The following CES1 variants were observed in gnomAD, a reference collection of about 807,000 sequenced individuals.
The protein encoded by CES1 is liver carboxylesterase 1.
In CES1, 50 loss-of-function variants were observed where a neutral mutation model predicts 53.0. The observed-to-expected ratio is 0.94, with a 90% CI of 0.75 to 1.19. The LOEUF (loss-of-function observed/expected upper bound fraction) is 1.19, where lower values mean the gene tolerates loss of function less well. Among genes scored for constraint, CES1 ranks in the 50% most tolerant of loss-of-function variants. CES1 has a pLI of 0.00. For synonymous variants in CES1, 202 were observed against 210.1 expected (o/e 0.96, Z 0.33); for missense variants, 534 against 538.0 (o/e 0.99, Z 0.07).
chr16:55,817,824 A>C (rs1338724882), intron 7 of CES1, among the ~76,000 whole-genome samples: 1 of 151,992 alleles, frequency 6.6e-6, no homozygotes, highest in African/African-American at 2.4e-5. Context: ...GTAATCATGG[A>C]GGTGCTTCCA....
intron 8 of CES1, among the ~76,000 whole-genome samples, chr16:55,816,559 C>T (rs2031953952): frequency 6.6e-6 from 1 of 152,242 alleles, no homozygotes; most frequent in African/African-American, 2.4e-5. Context: ...GGCTTCCCCT[C>T]TCCTTGGCTA....
chr16:55,810,692 G>A (rs535355988), intron 10 of CES1, 28 bp from the exon 11 acceptor site: 4 of 1,613,442 alleles, frequency 2.5e-6, no homozygotes, highest in Non-Finnish European at 2.5e-6. Flanking sequence ...GTGACCACCA[G>A]CCCCGGGTGA....
chr16:55,819,425 G>C, intron 7 of CES1, 110 bp downstream of exon 7: 1 of 820,558 alleles, frequency 1.2e-6, no homozygotes. Context: ...TTCAGATACT[G>C]AGAGTTGAGA....
chr16:55,819,094 G>T (rs1301351764), intron 7 of CES1, among the ~76,000 whole-genome samples: 1 of 152,206 alleles, frequency 6.6e-6, no homozygotes, highest in African/African-American at 2.4e-5. Context: ...TGACAACTGA[G>T]TCAGTCTCAG....
At chr16:55,811,033 CA>C in intron 9 of CES1, 23 bp from the exon 10 acceptor site, 3 of 1,535,872 alleles carry the variant, frequency 2.0e-6, no homozygotes, top group Non-Finnish European at 2.7e-6. Flanking sequence ...AAAAGTTCAG[CA>C]TTTATGAATC....
intron 2 of CES1, among the ~76,000 whole-genome samples, chr16:55,827,226 T>G (rs1230449850): frequency 1.3e-5 from 2 of 151,644 alleles, no homozygotes; most frequent in African/African-American, 4.8e-5. Flanking sequence ...GATGACTTCT[T>G]GATTCCATCC....
In CES1 at chr16:55,821,050, A is replaced by C. The variant is rs115083181; in HGVS notation, c.693+318T>G. ...AGAAGGGATGTGAGTCCTTATGTTAAAATGAGTGTGAAGGAGAGAGAGAAA... is the reference window on the plus strand; with the variant it reads ...AGAAGGGATGTGAGTCCTTATGTTACAATGAGTGTGAAGGAGAGAGAGAAA... On this transcript the variant is annotated intron_variant, in intron 5 of 13. Coordinates refer to ENST00000360526, the MANE Select transcript of CES1 (RefSeq NM_001025195.2). Among the ~76,000 whole-genome samples the C allele has an allele frequency of 9.5e-3, 1,360 of 142,562 alleles. 28 individuals are homozygous for C. In the East Asian group the frequency reaches 0.096, roughly 10 times the overall value. The allele number at this position is 142,562 out of a possible 152,430, so 93.5% of individuals were successfully genotyped here.
At chr16:55,814,750 T>A (rs746996330) in intron 8 of CES1, among the ~76,000 whole-genome samples, 18 of 152,226 alleles carry the variant, frequency 1.2e-4, no homozygotes, top group Non-Finnish European at 2.4e-4. Context: ...CCCTATGGCT[T>A]CTGGGACCTT....
chr16:55,821,570 G>A (rs1332120002), intron 4 of CES1, 49 bp from the exon 5 acceptor site: 1 of 1,601,546 alleles, frequency 6.2e-7, no homozygotes, highest in South Asian at 1.1e-5. Flanking sequence ...ATGTCATGCA[G>A]GACCTTCAGG....
intron 9 of CES1, among the ~76,000 whole-genome samples, chr16:55,811,955 G>A (rs1461284462): frequency 6.6e-6 from 1 of 152,184 alleles, no homozygotes; most frequent in Non-Finnish European, 1.5e-5. Context: ...GTTTGTTTCT[G>A]CCCCAGGTGA....
Position 55,827,559 on chromosome 16 carries a change from T to C in CES1, c.260+1208A>G. ...ATATATACTCTTTGACTCAGAAATG[T>C]CATTTCTGAGAAGTTATCCTAAACT... is the stretch of plus-strand genomic sequence containing the variant. On this transcript the variant is annotated intron_variant, in intron 2 of 13. Coordinates refer to ENST00000360526, the MANE Select transcript of CES1 (RefSeq NM_001025195.2). Among the ~76,000 whole-genome samples, 2 of 152,080 alleles carry C rather than the reference T, an allele frequency of 1.3e-5. 1 individual carries two copies. Among genetic ancestry groups the C allele is most frequent in the Non-Finnish European group, 2.9e-5 (2 of 68,010 alleles).
chr16:55,827,631 TA>T (rs2032471181), intron 2 of CES1, among the ~76,000 whole-genome samples: 1 of 152,176 alleles, frequency 6.6e-6, no homozygotes, highest in Non-Finnish European at 1.5e-5. Flanking sequence ...GTTATATTAT[TA>T]AAAACATCAT....
intron 5 of CES1, 107 bp from the exon 6 acceptor site, chr16:55,820,586 G>A: frequency 1.3e-6 from 2 of 1,567,396 alleles, no homozygotes; most frequent in East Asian, 2.3e-5. Flanking sequence ...ACACGGGACT[G>A]AGGAATCCAG....
At chr16:55,820,640 C>T (rs2032139932) in intron 5 of CES1, among the ~76,000 whole-genome samples, 161 bp from the exon 6 acceptor site, 1 of 152,104 alleles carries the variant, frequency 6.6e-6, no homozygotes, top group Non-Finnish European at 1.5e-5. Context: ...TGGAAGTCTT[C>T]CTACAGCTCC....
intron 2 of CES1, among the ~76,000 whole-genome samples, chr16:55,826,740 G>A (rs1323633975): frequency 2.0e-5 from 3 of 152,178 alleles, no homozygotes; most frequent in African/African-American, 7.2e-5. Context: ...CCAGGTCTAA[G>A]TGAGCGGAGT....
intron 7 of CES1, 124 bp downstream of exon 7, chr16:55,819,411 C>T: frequency 1.3e-6 from 1 of 775,514 alleles, no homozygotes; most frequent in Non-Finnish European, 2.3e-6. Context: ...AATCAGATTC[C>T]CCATTCAGAT....
At chr16:55,814,133 G>A (rs1289262355) in intron 8 of CES1, among the ~76,000 whole-genome samples, 26 of 152,176 alleles carry the variant, frequency 1.7e-4, no homozygotes, top group Non-Finnish European at 2.9e-4. Context: ...GCTTTGAGGA[G>A]GTACCGAACC....
chr16:55,826,265 T>A lies in CES1; in HGVS notation c.291A>T (p.Leu97Phe), dbSNP rs375565319. 91 of 1,613,900 alleles carry A rather than the reference T, an allele frequency of 5.6e-5. No homozygotes were observed. In the African/African-American group the frequency reaches 7.1e-4, roughly 13 times the overall value. The change falls in exon 3 of 14, where the codon TTA (leucine) becomes TTT (phenylalanine). Residue 97 changes from leucine to phenylalanine, a missense_variant. By Grantham distance (22) the Leu-to-Phe change is conservative. Around this residue, in one of 5 missense-constraint regions of CES1, gnomAD observed 164 missense variants for 162.4 expected, o/e 1.01. Transcript: ENST00000360526. ...TTCGGTTTGTAAATAGCTCTGAGAG[T>A]AACTGCCCCGCCTTGGGATCTTGGG... ...MCTQDPKAGQ[L>F]LSELFTNRKE... is the part of the protein sequence containing the mutation.
intron 1 of CES1, among the ~76,000 whole-genome samples, chr16:55,831,776 G>A (rs574612443): frequency 5.0e-4 from 76 of 151,706 alleles, no homozygotes; most frequent in East Asian, 3.5e-3. Flanking sequence ...GGATGCAGAC[G>A]GGGCTGGGCT....
Sources: gnomAD v4.1 joint callset for allele counts (sites outside exome capture counted in the v4.1 genomes callset) on GRCh38, gnomAD v4.1.1 for gene constraint, gnomAD v4.1.1 regional missense constraint, MANE v1.5 for transcripts, NCBI Gene and HGNC (gene_info 2026-07-23, HGNC 2026-07-21) for gene names.